CACNA1I: variants seen among roughly 807,000 people sequenced by gnomAD.
CACNA1I encodes voltage-dependent T-type calcium channel subunit alpha-1I.
CACNA1I carries 74 observed loss-of-function variants against 201.6 expected under a neutral mutation model. The ratio of observed to expected loss-of-function variants is 0.37; its 90% confidence interval spans 0.30 to 0.45. The LOEUF is 0.45. Ranked by LOEUF, CACNA1I falls within the 20% of genes least tolerant of loss-of-function variation. The pLI, the probability that CACNA1I is intolerant of heterozygous loss-of-function variation, is 1.00. For synonymous variants in CACNA1I, 1,431 were observed against 1,345.2 expected, an observed-to-expected ratio of 1.06 and a Z score of -1.40; for missense variants, 2,346 against 3,138.1, an observed-to-expected ratio of 0.75 and a Z score of 6.03.
chr22:39,598,346 C>G, intron 2 of CACNA1I, 84 bp downstream of exon 2: 1 of 695,718 alleles, frequency 1.4e-6, no homozygotes, highest in Non-Finnish European at 2.5e-6. Context: ...CACCCCCGCC[C>G]CATGTCCTGG....
At position 39,648,608 on chromosome 22, in the gene CACNA1I, A is replaced by T. The variant is rs1041742135; in HGVS notation, c.1567+682A>T. Among the ~76,000 whole-genome samples, 1 of 152,078 alleles carries T rather than the reference A, an allele frequency of 6.6e-6. No individual in the cohort carries two copies. Among genetic ancestry groups the T allele is most frequent in the South Asian group, 2.1e-4 (1 of 4,820 alleles). On this transcript the variant is annotated intron_variant, in intron 9 of 36. Transcript: ENST00000402142. This position sits in a 1 kb window ranked among gnomAD's most constrained non-coding sequence, Gnocchi z 5.4. ...GTGAATGAGCCAGGGGTGCTTATTC[A>T]GGGCTTGGGAGGCATCTGGAGGCAA...
In CACNA1I at chr22:39,663,624, G is replaced by C. The variant is rs1005888519; in HGVS notation, c.3474-94G>C. The C allele has an allele frequency of 2.0e-6, 3 of 1,480,196 alleles. No individual in the cohort carries two copies. In the African/African-American group the frequency reaches 4.2e-5, roughly 21 times the overall value. 91.7% of individuals were successfully genotyped at this position (1,480,196 alleles called of 1,614,324 possible). A position where few individuals can be genotyped will look rare whatever the true frequency, so the allele number is the denominator to read the frequency against. ...GATAGGGGTTGCTTCCTCGAGGCCAGCGTGGTCTGCACTGCTGCCTGGGCC... is the reference window on the plus strand; with the variant it reads ...GATAGGGGTTGCTTCCTCGAGGCCACCGTGGTCTGCACTGCTGCCTGGGCC... On this transcript the variant is annotated intron_variant, in intron 18 of 36. Transcript: ENST00000402142.
rs200097208 is a variant in CACNA1I at position 39,646,826 on chromosome 22, G to A, written c.1407G>A (p.Pro469=). 7.0e-4 allele frequency: 1,073 copies of A among 1,543,282 alleles called. 1 individual carries two copies. The highest frequency in any genetic ancestry group is 1.3e-3 in the Admixed American group (64 of 49,832). ...AGAGCCGGCGCCAGGCCCTGGGCCCGGAGGCCCCGGCCCCCGCCAAACCTG... is the reference window on the plus strand; with the variant it reads ...AGAGCCGGCGCCAGGCCCTGGGCCCAGAGGCCCCGGCCCCCGCCAAACCTG... ...ALQSRRQALG[P]EAPAPAKPGP... The change falls in exon 8 of 37, where the codon CCG becomes CCA. Residue 469 remains proline, a synonymous_variant. Coordinates refer to ENST00000402142, the MANE Select transcript of CACNA1I (RefSeq NM_021096.4).
rs763976034 is a variant in CACNA1I, at chr22:39,598,287, C to CTG, written c.348+25_348+26insTG. 9.9e-6 allele frequency: 13 copies of CTG among 1,317,234 alleles called. 1 individual carries two copies. The South Asian group carries it at 1.2e-4, about 12-fold the overall frequency. The allele number at this position is 1,317,234 out of a possible 1,614,324, so 81.6% of individuals were successfully genotyped here. A position where few individuals can be genotyped will look rare whatever the true frequency, so the allele number is the denominator to read the frequency against. The stretch of plus-strand genomic sequence containing the variant: ...GGTGAGCCGGCCGCCCCGCCCCGCC[C>CTG]CGCCCTGCCCTCATCCTCCAGGACC... On this transcript the variant is annotated intron_variant, in intron 2 of 36. Coordinates refer to ENST00000402142, the MANE Select transcript of CACNA1I (RefSeq NM_021096.4).
At chr22:39,594,244 A>G (rs1932854030) in intron 1 of CACNA1I, among the ~76,000 whole-genome samples, 1 of 152,004 alleles carries the variant, frequency 6.6e-6, no homozygotes, top group Non-Finnish European at 1.5e-5. Context: ...GGCCTTGTTG[A>G]GGAGGCAGCA....
chr22:39,590,302 G>A (rs181132220), intron 1 of CACNA1I, among the ~76,000 whole-genome samples: 1 of 152,334 alleles, frequency 6.6e-6, no homozygotes. Context: ...CCTCCTGGCT[G>A]GGGGACCTTG....
rs145573133 is a variant in CACNA1I, at chr22:39,572,474, T to A, written c.236+1486T>A. ...GCCAGGCTTCCCTTCTGTAGGGGGC[T>A]GAGGTGATCGTGGGCCCTGGATCCC... On this transcript the variant is annotated intron_variant, in intron 1 of 36. Transcript: ENST00000402142. Among the ~76,000 whole-genome samples the A allele has an allele frequency of 2.8e-4, 43 of 152,164 alleles. 1 individual carries two copies. The Middle Eastern group carries it at 0.01, about 36-fold the overall frequency.
chr22:39,576,241 C>T (rs944004929), intron 1 of CACNA1I, among the ~76,000 whole-genome samples: 1 of 152,214 alleles, frequency 6.6e-6, no homozygotes, highest in Non-Finnish European at 1.5e-5. Flanking sequence ...GCGGTGTGTC[C>T]AGCACAAAAA....
chr22:39,663,914 G>C, intron 19 of CACNA1I, 73 bp downstream of exon 19: 1 of 1,592,292 alleles, frequency 6.3e-7, no homozygotes, highest in Non-Finnish European at 8.6e-7. Flanking sequence ...AGCAGGGCAG[G>C]GAGACCTCAC....
chr22:39,602,553 GT>G (rs1555903154), intron 3 of CACNA1I, among the ~76,000 whole-genome samples: 1 of 152,004 alleles, frequency 6.6e-6, no homozygotes, highest in Non-Finnish European at 1.5e-5. Context: ...TCTTTAAGTA[GT>G]TTTTTTTTAA....
In CACNA1I at chr22:39,679,250, G is replaced by A. The variant is rs758833538; in HGVS notation, c.5199G>A (p.Leu1733=). Residue 1733 remains leucine (L), a synonymous_variant, in exon 32 of 37, where the codon CTG becomes CTA. Transcript: ENST00000402142. Reference sequence around the variant, plus strand: ...TGGTGGCTGTGCTCATGAAGCACCTGGACGACAGCAACAAGGAGGCGCAGG... The same window carrying A: ...TGGTGGCTGTGCTCATGAAGCACCTAGACGACAGCAACAAGGAGGCGCAGG... The part of the protein sequence containing the change: ...NVVVAVLMKH[L]DDSNKEAQED... 1.5e-5 allele frequency: 24 copies of A among 1,590,888 alleles called. No individual in the cohort carries two copies. In the Middle Eastern group the frequency reaches 1.3e-3, roughly 87 times the overall value.
rs760872509 is a variant in CACNA1I, at chr22:39,662,009, G to A, written c.2946G>A (p.Ala982=). ...SSYYGPWGRS[A]AWASRRSSWN... is the part of the protein sequence containing the mutation. Reference sequence around the variant, plus strand: ...ACTACGGGCCATGGGGCCGCAGCGCGGCCTGGGCCAGCCGTCGCTCCAGCT... The same window carrying A: ...ACTACGGGCCATGGGGCCGCAGCGCAGCCTGGGCCAGCCGTCGCTCCAGCT... Residue 982 remains alanine (A), a synonymous_variant, in exon 17 of 37, where the codon GCG becomes GCA. Transcript: ENST00000402142. 7.7e-6 allele frequency: 12 copies of A among 1,564,838 alleles called. No homozygotes were observed. Among genetic ancestry groups the A allele is most frequent in the South Asian group, 1.2e-5 (1 of 85,706 alleles).
chr22:39,591,556 C>A (rs982613581), intron 1 of CACNA1I, among the ~76,000 whole-genome samples: 1 of 151,776 alleles, frequency 6.6e-6, no homozygotes, highest in African/African-American at 2.4e-5. Flanking sequence ...CTCTTCTTTT[C>A]TTTTCTTTTT....
chr22:39,679,573 A>G, intron 32 of CACNA1I, 128 bp downstream of exon 32: 1 of 1,050,470 alleles, frequency 9.5e-7, no homozygotes, highest in Non-Finnish European at 1.3e-6. Context: ...GCTCAGCTCC[A>G]TAGAAGGGGT....
chr22:39,650,872 G>A (rs920134053), intron 10 of CACNA1I, among the ~76,000 whole-genome samples: 1 of 152,188 alleles, frequency 6.6e-6, no homozygotes, highest in African/African-American at 2.4e-5. Context: ...CTGGGAGATG[G>A]TGGGAGCTGG....
Position 39,682,598 on chromosome 22 carries a change from T to C in CACNA1I, c.5767T>C (p.Cys1923Arg). ...CTCGCCGGATCCAGAGAACTTCCTG[T>C]GTGAGATGGAGGAGATCCCATTCAA... ...AVSPDPENFL[C>R]EMEEIPFNPV... The change falls in exon 35 of 37, where the codon TGT (cysteine) becomes CGT (arginine). Residue 1923 changes from cysteine to arginine, a missense_variant. This residue lies in a region of CACNA1I where 441 missense variants were observed against 555.6 expected (regional missense o/e 0.79). Transcript: ENST00000402142. The C allele has an allele frequency of 6.2e-7, 1 of 1,613,560 alleles. No homozygotes were observed. Among genetic ancestry groups the C allele is most frequent in the Non-Finnish European group, 8.5e-7 (1 of 1,179,828 alleles).
rs571840333 is a variant in CACNA1I at position 39,594,527 on chromosome 22, C to T, written c.237-3624C>T. On this transcript the variant is annotated intron_variant, in intron 1 of 36. Coordinates refer to ENST00000402142, the MANE Select transcript of CACNA1I (RefSeq NM_021096.4). ...ATTACAGGCTATGGCGGGAGAGTGG[C>T]AGTGGGGTGAGGGGACGGGAAGGAG... Among the ~76,000 whole-genome samples, 25 of 152,128 alleles carry T rather than the reference C, an allele frequency of 1.6e-4. No individual in the cohort carries two copies. In the South Asian group the frequency reaches 5.2e-3, roughly 32 times the overall value.
chr22:39,664,501 C>T (rs571960697), intron 20 of CACNA1I, among the ~76,000 whole-genome samples: 1 of 152,114 alleles, frequency 6.6e-6, no homozygotes, highest in African/African-American at 2.4e-5. Flanking sequence ...CCAGAGGCAC[C>T]GGGAACCTAA....
intron 3 of CACNA1I, among the ~76,000 whole-genome samples, chr22:39,605,469 CCATTCATT>C (rs373946045): frequency 4.2e-4 from 64 of 152,254 alleles, no homozygotes; most frequent in African/African-American, 1.4e-3. Context: ...CCGGATGGTA[CCATTCATT>C]CATTCATTCA....
Sources: allele counts gnomAD v4.1 joint callset (sites outside exome capture counted in the v4.1 genomes callset), GRCh38; gene constraint gnomAD v4.1.1; regional missense constraint gnomAD v4.1.1; non-coding constraint Gnocchi (gnomAD v3.1); transcripts MANE v1.5; gene names NCBI Gene and HGNC (gene_info 2026-07-23, HGNC 2026-07-21).